Variants in TMEM248 observed in about 807,000 individuals in gnomAD.
The protein encoded by TMEM248 is UPF0458 protein C7orf42.
Under a neutral mutation model 30.3 loss-of-function variants are expected in TMEM248, and 9 were observed. The observed-to-expected ratio is 0.30, with a 90% CI of 0.18 to 0.52. The LOEUF (loss-of-function observed/expected upper bound fraction) is 0.52, where lower values mean the gene tolerates loss of function less well. Ranked by LOEUF, TMEM248 falls within the 20% of genes least tolerant of loss-of-function variation. TMEM248 has a pLI of 0.97. For synonymous variants in TMEM248, 184 were observed against 154.4 expected, an observed-to-expected ratio of 1.19 and a Z score of -1.42; for missense variants, 338 against 403.3, an observed-to-expected ratio of 0.84 and a Z score of 1.39.
chr7:66,944,514 A>G (rs890132154), intron 2 of TMEM248, among the ~76,000 whole-genome samples: 1 of 152,142 alleles, frequency 6.6e-6, no homozygotes, highest in Non-Finnish European at 1.5e-5. Flanking sequence ...TGTTCTAGAG[A>G]AAGAGAGCAA....
At chr7:66,955,398 C>A in intron 6 of TMEM248, 104 bp from the exon 7 acceptor site, 1 of 1,296,112 alleles carries the variant, frequency 7.7e-7, no homozygotes, top group Non-Finnish European at 1.1e-6. Context: ...ACTTCACTGT[C>A]TGGTTGATAT....
intron 4 of TMEM248, 116 bp downstream of exon 4, chr7:66,948,810 A>T: frequency 8.7e-7 from 1 of 1,148,608 alleles, no homozygotes. Context: ...TCTTTATAGA[A>T]TTATCTCTAC....
intron 1 of TMEM248, among the ~76,000 whole-genome samples, chr7:66,927,264 G>A (rs1791550141): frequency 6.6e-6 from 1 of 152,180 alleles, no homozygotes; most frequent in Admixed American, 6.6e-5. Flanking sequence ...ATTAACAACC[G>A]TAAGTGAGGA....
chr7:66,938,855 A>C (rs1051696578), intron 1 of TMEM248, among the ~76,000 whole-genome samples: 2 of 152,244 alleles, frequency 1.3e-5, no homozygotes, highest in Non-Finnish European at 2.9e-5. Context: ...ATATTAAAGA[A>C]AACCCAGACT....
At chr7:66,925,106 CTCCTCCTGGGCTCAAG>C (rs1310890505) in intron 1 of TMEM248, among the ~76,000 whole-genome samples, 2 of 151,990 alleles carry the variant, frequency 1.3e-5, no homozygotes, top group Non-Finnish European at 2.9e-5. Context: ...CTGCACCCTC[CTCCTCCTGGGCTCAAG>C]TCATACTCCT....
intron 1 of TMEM248, among the ~76,000 whole-genome samples, chr7:66,931,666 C>T (rs1012092754): frequency 3.3e-5 from 5 of 151,746 alleles, no homozygotes; most frequent in African/African-American, 4.8e-5. Context: ...TTTGTAGAGA[C>T]GGGGTCTTGT....
intron 1 of TMEM248, among the ~76,000 whole-genome samples, chr7:66,933,322 A>C (rs898188119): frequency 6.6e-6 from 1 of 152,218 alleles, no homozygotes; most frequent in South Asian, 2.1e-4. Context: ...GACGTGTGCC[A>C]CCACGCCCAG....
At chr7:66,936,573 T>C (rs1791809121) in intron 1 of TMEM248, among the ~76,000 whole-genome samples, 1 of 152,138 alleles carries the variant, frequency 6.6e-6, no homozygotes, top group African/African-American at 2.4e-5. Context: ...ACTCCTAGCA[T>C]GAGTTTGGAG....
intron 5 of TMEM248, among the ~76,000 whole-genome samples, chr7:66,951,966 C>G (rs1433184667): frequency 6.6e-6 from 1 of 152,178 alleles, no homozygotes; most frequent in Admixed American, 6.5e-5. Context: ...CTGGCCCAAG[C>G]CCACTTTTTA....
At chr7:66,938,377 TAGTG>T (rs1371721080) in intron 1 of TMEM248, among the ~76,000 whole-genome samples, 10 of 152,344 alleles carry the variant, frequency 6.6e-5, no homozygotes, top group Admixed American at 5.2e-4. Context: ...TGAAAATTGA[TAGTG>T]AGGGTTGTTG....
chr7:66,950,845 C>T, intron 4 of TMEM248, 107 bp from the exon 5 acceptor site: 1 of 834,080 alleles, frequency 1.2e-6, no homozygotes, highest in Non-Finnish European at 1.7e-6. Context: ...TTTTTCCTTT[C>T]CATGTGTGTT....
intron 5 of TMEM248, among the ~76,000 whole-genome samples, chr7:66,951,813 A>C (rs1206975980): frequency 6.6e-6 from 1 of 151,852 alleles, no homozygotes; most frequent in African/African-American, 2.4e-5. Context: ...GGTGCATGTC[A>C]CCATGCCGGG....
intron 1 of TMEM248, among the ~76,000 whole-genome samples, chr7:66,923,014 G>A (rs950114230): frequency 2.6e-5 from 4 of 152,198 alleles, no homozygotes; most frequent in Non-Finnish European, 4.4e-5. Context: ...GCATAAGTGC[G>A]AATATATTAA....
intron 2 of TMEM248, among the ~76,000 whole-genome samples, chr7:66,944,125 G>T (rs2129224302): frequency 8.1e-6 from 1 of 123,448 alleles, no homozygotes; most frequent in Admixed American, 9.1e-5. Flanking sequence ...TTTTTTTTGA[G>T]ACAGAGTCTC....
rs201683663 is a variant in TMEM248 at position 66,945,276 on chromosome 7, C to A, written c.445+15C>A. 1 of 1,608,048 alleles carries A rather than the reference C, an allele frequency of 6.2e-7. No homozygotes were observed. Among genetic ancestry groups the A allele is most frequent in the Non-Finnish European group, 8.5e-7 (1 of 1,174,992 alleles). ...TGGACTTTCAGGTATGCAGTAGCCA[C>A]TCTCCACTCAGGCTCCTTAGGCAAC... On this transcript the variant is annotated intron_variant, in intron 3 of 6. Coordinates refer to ENST00000341567, the MANE Select transcript of TMEM248 (RefSeq NM_017994.5).
At chr7:66,939,800 C>T (rs951105865) in intron 1 of TMEM248, among the ~76,000 whole-genome samples, 1 of 150,980 alleles carries the variant, frequency 6.6e-6, no homozygotes, top group African/African-American at 2.4e-5. Flanking sequence ...AATCTCCGCT[C>T]TCGTTGGGCT....
At chr7:66,926,796 T>C (rs868160127) in intron 1 of TMEM248, among the ~76,000 whole-genome samples, 4 of 152,226 alleles carry the variant, frequency 2.6e-5, no homozygotes, top group African/African-American at 9.6e-5. Context: ...AACTTTCTCA[T>C]GTACGAATCA....
chr7:66,922,813 C>A (rs911894300), intron 1 of TMEM248, among the ~76,000 whole-genome samples: 19 of 151,392 alleles, frequency 1.3e-4, no homozygotes, highest in African/African-American at 4.6e-4. Flanking sequence ...CCAAGCAATC[C>A]TCCTGCCTCA....
At chr7:66,923,656 A>T (rs182526769) in intron 1 of TMEM248, among the ~76,000 whole-genome samples, 3 of 152,218 alleles carry the variant, frequency 2.0e-5, no homozygotes, top group Admixed American at 2.0e-4. Context: ...TACCCAGTCT[A>T]GTTTCTCGTA....
Sources: gnomAD v4.1 joint callset for allele counts (sites outside exome capture counted in the v4.1 genomes callset) on GRCh38, gnomAD v4.1.1 for gene constraint, MANE v1.5 for transcripts, NCBI Gene and HGNC (gene_info 2026-07-23, HGNC 2026-07-21) for gene names.